The following TMEM63C variants were observed in gnomAD, a reference collection of about 807,000 sequenced individuals.
The protein encoded by TMEM63C is transmembrane protein 63C, also known as osmosensitive cation channel TMEM63C.
A neutral mutation model predicts 99.2 loss-of-function variants in TMEM63C; 32 were observed. The observed-to-expected ratio is 0.32, with a 90% CI of 0.24 to 0.43. The LOEUF is 0.43. Among genes scored for constraint, TMEM63C ranks in the 20% least tolerant of loss-of-function variants. The probability of loss-of-function intolerance (pLI) is 1.00; values close to 1 mark genes in which losing one functional copy is unlikely to be tolerated. For synonymous variants in TMEM63C, 376 were observed against 397.9 expected (o/e 0.94, Z 0.66); for missense variants, 826 against 1,053.0 (o/e 0.78, Z 2.98).
At chr14:77,250,166 A>C (rs1446872699) in intron 21 of TMEM63C, among the ~76,000 whole-genome samples, 3 of 152,166 alleles carry the variant, frequency 2.0e-5, no homozygotes, top group African/African-American at 7.2e-5. Flanking sequence ...GTTGCCAAAA[A>C]ACCTGGAAGA....
chr14:77,243,140 C>T (rs557837243), intron 15 of TMEM63C, 84 bp downstream of exon 15: 1 of 1,511,656 alleles, frequency 6.6e-7, no homozygotes, highest in East Asian at 2.3e-5. Context: ...GGGGAGCCCC[C>T]TGGGAGGGGG....
chr14:77,215,321 C>T (rs895932904), intron 2 of TMEM63C, among the ~76,000 whole-genome samples: 2 of 152,122 alleles, frequency 1.3e-5, no homozygotes, highest in South Asian at 4.1e-4. Flanking sequence ...TGAAGCAAGG[C>T]TGGGCATGGG....
At chr14:77,233,721 G>A (rs954335854) in intron 8 of TMEM63C, among the ~76,000 whole-genome samples, 2 of 152,124 alleles carry the variant, frequency 1.3e-5, no homozygotes, top group African/African-American at 4.8e-5. Context: ...TGTCATGAGT[G>A]GAGCTGCCCA....
intron 1 of TMEM63C, among the ~76,000 whole-genome samples, chr14:77,206,224 G>C (rs1445070206): frequency 1.3e-5 from 2 of 152,096 alleles, no homozygotes; most frequent in African/African-American, 4.8e-5. Flanking sequence ...TCCATTGAGG[G>C]GGTGGGGAGG....
At chr14:77,242,807 G>A in intron 14 of TMEM63C, 96 bp from the exon 15 acceptor site, 4 of 1,451,246 alleles carry the variant, frequency 2.8e-6, no homozygotes, top group Non-Finnish European at 3.8e-6. Flanking sequence ...GATTAGACCA[G>A]GGCAGGCTGG....
intron 12 of TMEM63C, 115 bp downstream of exon 12, chr14:77,239,841 T>C (rs1452024590): frequency 1.4e-6 from 2 of 1,397,296 alleles, no homozygotes; most frequent in African/African-American, 2.9e-5. Context: ...TCTGCTCTAG[T>C]GCTCCCCACC....
At chr14:77,255,275 G>A (rs769819657) in intron 23 of TMEM63C, among the ~76,000 whole-genome samples, 5 of 152,206 alleles carry the variant, frequency 3.3e-5, no homozygotes, top group Non-Finnish European at 7.3e-5. Flanking sequence ...ACAGGCGTGA[G>A]CCACCACGCC....
intron 1 of TMEM63C, among the ~76,000 whole-genome samples, chr14:77,207,963 A>T (rs553732664): frequency 6.6e-6 from 1 of 152,328 alleles, no homozygotes; most frequent in Admixed American, 6.5e-5. Flanking sequence ...CAAAGTGATC[A>T]GGAGGGGGCT....
intron 7 of TMEM63C, among the ~76,000 whole-genome samples, chr14:77,233,136 T>A (rs1403556104): frequency 6.6e-6 from 1 of 152,246 alleles, no homozygotes; most frequent in East Asian, 1.9e-4. Flanking sequence ...AATTTCATCA[T>A]TCTGCTCGTG....
Position 77,219,528 on chromosome 14 carries a change from A to G in TMEM63C, c.181A>G (p.Lys61Glu), listed in dbSNP as rs991161868. ...CCTTGTGGTTTACTCCTTCCTCCGG[A>G]AAGCTGCGTGGGACTATGGGCGCCT... ...LVLVVYSFLR[K>E]AAWDYGRLAL... is the part of the protein sequence containing the mutation. The change falls in exon 4 of 24, where the codon AAA (lysine) becomes GAA (glutamate). Residue 61 changes from lysine to glutamate, a missense_variant. By Grantham distance (56) the Lys-to-Glu change is moderately conservative. Coordinates refer to ENST00000298351, the MANE Select transcript of TMEM63C (RefSeq NM_020431.4). 2.2e-5 allele frequency: 35 copies of G among 1,613,860 alleles called. No individual in the cohort carries two copies. The highest frequency in any genetic ancestry group is 3.0e-5 in the Non-Finnish European group (35 of 1,179,900).
At chr14:77,244,296 A>G in intron 15 of TMEM63C, 53 bp from the exon 16 acceptor site, 1 of 1,336,744 alleles carries the variant, frequency 7.5e-7, no homozygotes, top group Non-Finnish European at 1.1e-6. Context: ...AGCAAGGGGA[A>G]GAGGATGCTT....
At chr14:77,248,574 C>T in intron 19 of TMEM63C, 65 bp downstream of exon 19, 3 of 1,544,748 alleles carry the variant, frequency 1.9e-6, no homozygotes, top group South Asian at 1.2e-5. Context: ...AGGGATAGAG[C>T]CTGCTAGAAG....
chr14:77,236,780 T>G, intron 9 of TMEM63C, 48 bp downstream of exon 9: 6 of 1,325,094 alleles, frequency 4.5e-6, no homozygotes, highest in Non-Finnish European at 6.5e-6. Flanking sequence ...CTGGGGTCCC[T>G]CCCCACTGGG....
chr14:77,216,957 G>A (rs754831904), intron 2 of TMEM63C, among the ~76,000 whole-genome samples: 6 of 152,100 alleles, frequency 3.9e-5, no homozygotes, highest in Non-Finnish European at 7.4e-5. Flanking sequence ...CTTGAATTCA[G>A]GAGTTTGAGA....
intron 10 of TMEM63C, 132 bp from the exon 11 acceptor site, chr14:77,239,280 A>G (rs988502716): frequency 1.2e-6 from 1 of 822,462 alleles, no homozygotes; most frequent in African/African-American, 1.7e-5. Flanking sequence ...AGGAGCAGAG[A>G]TGGAGTATCC....
chr14:77,194,545 C>CTTT (rs748865272), intron 1 of TMEM63C, among the ~76,000 whole-genome samples: 1,027 of 26,224 alleles, frequency 0.039, 83 homozygotes, highest in African/African-American at 0.12. Flanking sequence ...TTCTTTCTTT[C>CTTT]TTTCTTTCTC....
Position 77,249,278 on chromosome 14 carries a change from CT to C in TMEM63C, c.1871-10del, listed in dbSNP as rs778734271. On this transcript the variant is annotated splice_polypyrimidine_tract_variant and intron_variant, in intron 20 of 23. Coordinates refer to ENST00000298351, the MANE Select transcript of TMEM63C (RefSeq NM_020431.4). The stretch of plus-strand genomic sequence containing the variant: ...AAGGGGCCACTGAGTAAGTTTCCAC[CT>C]TTGTCCCCCAGGGTTGCTCTACCTG... 4 of 1,613,306 alleles carry C rather than the reference CT, an allele frequency of 2.5e-6. No individual in the cohort carries two copies. The highest frequency in any genetic ancestry group is 3.4e-6 in the Non-Finnish European group (4 of 1,179,388).
chr14:77,182,913 G>A (rs187029223), intron 1 of TMEM63C, among the ~76,000 whole-genome samples: 3 of 152,076 alleles, frequency 2.0e-5, no homozygotes, highest in Admixed American at 1.3e-4. Flanking sequence ...AGCCTGCAGC[G>A]CTCCAGGAAG....
chr14:77,243,142 G>C, intron 15 of TMEM63C, 86 bp downstream of exon 15: 2 of 1,492,696 alleles, frequency 1.3e-6, no homozygotes, highest in Non-Finnish European at 1.8e-6. Context: ...GGAGCCCCCT[G>C]GGAGGGGGCT....
Sources: gnomAD v4.1 joint callset for allele counts (sites outside exome capture counted in the v4.1 genomes callset) on GRCh38, gnomAD v4.1.1 for gene constraint, MANE v1.5 for transcripts, NCBI Gene and HGNC (gene_info 2026-07-23, HGNC 2026-07-21) for gene names.